The following PCDH17 variants were observed in gnomAD, a reference collection of about 807,000 sequenced individuals.
PCDH17 encodes protocadherin 17.
Under a neutral mutation model 67.7 loss-of-function variants are expected in PCDH17, and 21 were observed. That is an observed-to-expected ratio of 0.31 (90% CI 0.22 to 0.45). The LOEUF is 0.45. PCDH17 is among the 20% of genes least tolerant of loss of function. PCDH17 has a pLI of 1.00. For synonymous variants in PCDH17, 701 were observed against 656.7 expected (o/e 1.07, Z -1.03); for missense variants, 1,471 against 1,564.8 (o/e 0.94, Z 1.01).
In PCDH17 at chr13:57,634,756, TC is replaced by T; in HGVS notation, c.2212del (p.Arg738AlafsTer43). On this transcript the variant is annotated frameshift_variant, in exon 1 of 4. Coordinates refer to ENST00000377918, the MANE Select transcript of PCDH17 (RefSeq NM_001040429.3). LOFTEE classifies it high-confidence loss of function. The surrounding 1 kb of genome is among the most constrained non-coding windows in gnomAD (Gnocchi z 7.8). The stretch of plus-strand genomic sequence containing the variant: ...AAGTGCAAGCGCGAGAACAAGGAGA[TC>T]CGCACTTACAACTGCCGCATCGCCG... The part of the protein sequence containing the change: ...AVKCKRENKE[I>X]RTYNCRIAEY... The T allele has an allele frequency of 6.2e-7, 1 of 1,613,902 alleles. No homozygotes were observed. The highest frequency in any genetic ancestry group is 8.5e-7 in the Non-Finnish European group (1 of 1,180,012).
At chr13:57,687,659 T>C in intron 3 of PCDH17, among the ~76,000 whole-genome samples, 1 of 151,958 alleles carries the variant, frequency 6.6e-6, no homozygotes, top group East Asian at 1.9e-4. Context: ...TGCCTTTCAT[T>C]TGGATTCAGC....
At chr13:57,717,997 A>G (rs1470530045) in intron 3 of PCDH17, among the ~76,000 whole-genome samples, 1 of 152,024 alleles carries the variant, frequency 6.6e-6, no homozygotes, top group Non-Finnish European at 1.5e-5. Context: ...TGAAATAAGC[A>G]TATTGTAACA....
intron 3 of PCDH17, among the ~76,000 whole-genome samples, chr13:57,685,628 A>G (rs1955497819): frequency 6.6e-6 from 1 of 152,074 alleles, no homozygotes; most frequent in Non-Finnish European, 1.5e-5. Context: ...AGTTGAGTAT[A>G]AAAGTTGGTT....
In PCDH17 at chr13:57,667,680, A is replaced by G. The variant is rs140927680; in HGVS notation, c.2797+847A>G. Reference sequence around the variant, plus strand: ...TCAGTTGTTTTGAATGAGAAACTACATTTAAAATATGTGAACCTAACCTCT... The same window carrying G: ...TCAGTTGTTTTGAATGAGAAACTACGTTTAAAATATGTGAACCTAACCTCT... On this transcript the variant is annotated intron_variant, in intron 3 of 3. Coordinates refer to ENST00000377918, the MANE Select transcript of PCDH17 (RefSeq NM_001040429.3). 7.9e-4 allele frequency among the ~76,000 whole-genome samples: 120 copies of G among 151,652 alleles called. 1 individual carries two copies. In the East Asian group the frequency reaches 0.021, roughly 26 times the overall value.
rs1954749702 is a variant in PCDH17, at chr13:57,632,967, A to G, written c.421A>G (p.Ile141Val). The G allele has an allele frequency of 6.2e-7, 1 of 1,613,584 alleles. No individual in the cohort carries two copies. Among genetic ancestry groups the G allele is most frequent in the Non-Finnish European group, 8.5e-7 (1 of 1,180,000 alleles). ...CTCCTCGGACCAGATCGAAATGGACATCTCGGAGAACGCTGCTCCGGGCAC... is the reference window on the plus strand; with the variant it reads ...CTCCTCGGACCAGATCGAAATGGACGTCTCGGAGAACGCTGCTCCGGGCAC... Reference protein sequence around the residue: ...SFSSDQIEMDISENAAPGTRF... With the variant: ...SFSSDQIEMDVSENAAPGTRF... The change falls in exon 1 of 4, where the codon ATC becomes GTC. Residue 141 changes from isoleucine (I) to valine (V), a missense_variant. Physicochemically the swap from Ile to Val is conservative, Grantham distance 29 (BLOSUM62 3). Around this residue, in one of 3 missense-constraint regions of PCDH17, gnomAD observed 1,163 missense variants for 1,230.0 expected, o/e 0.95. Coordinates refer to ENST00000377918, the MANE Select transcript of PCDH17 (RefSeq NM_001040429.3).
chr13:57,638,067 T>C (rs949173411), intron 1 of PCDH17, among the ~76,000 whole-genome samples: 36 of 152,140 alleles, frequency 2.4e-4, no homozygotes, highest in African/African-American at 8.4e-4. Context: ...CCCACAATAG[T>C]GTGAATCATA....
intron 1 of PCDH17, among the ~76,000 whole-genome samples, chr13:57,644,071 C>T (rs1178475315): frequency 1.3e-5 from 2 of 151,696 alleles, no homozygotes; most frequent in African/African-American, 4.8e-5. Context: ...ATTTTAATAT[C>T]AATGCATACC....
chr13:57,726,020 C>T lies in PCDH17; in HGVS notation c.*726C>T, dbSNP rs1955914042. The stretch of plus-strand genomic sequence containing the variant: ...TGCACACACGTAGACTAATTCACGT[C>T]ATTAAAGAAGAAGAAAACTTAAAGA... On this transcript the variant is annotated 3_prime_UTR_variant, in exon 4 of 4. Transcript: ENST00000377918. 1 of 152,364 alleles carries T rather than the reference C, an allele frequency of 6.6e-6. No individual in the cohort carries two copies. The highest frequency in any genetic ancestry group is 2.1e-4 in the South Asian group (1 of 4,834). 9.4% of individuals were successfully genotyped at this position (152,364 alleles called of 1,614,324 possible).
chr13:57,706,654 T>G (rs1955724230), intron 3 of PCDH17, among the ~76,000 whole-genome samples: 1 of 152,156 alleles, frequency 6.6e-6, no homozygotes, highest in African/African-American at 2.4e-5. Flanking sequence ...TTGGCAATGT[T>G]TCTGCTAGTA....
At chr13:57,695,118 A>T (rs1317594302) in intron 3 of PCDH17, among the ~76,000 whole-genome samples, 1 of 151,300 alleles carries the variant, frequency 6.6e-6, no homozygotes, top group East Asian at 1.9e-4. Context: ...CTGAAAAAAA[A>T]TGAAATCAAT....
At chr13:57,647,378 C>A (rs1272268024) in intron 1 of PCDH17, among the ~76,000 whole-genome samples, 1 of 151,872 alleles carries the variant, frequency 6.6e-6, no homozygotes. Flanking sequence ...GCTCTGGTCT[C>A]TTTTCTGTGA....
At chr13:57,696,112 C>T (rs942386480) in intron 3 of PCDH17, among the ~76,000 whole-genome samples, 2 of 151,234 alleles carry the variant, frequency 1.3e-5, no homozygotes, top group Non-Finnish European at 3.0e-5. Context: ...CATATGATAA[C>T]GTAACGGTTG....
intron 1 of PCDH17, among the ~76,000 whole-genome samples, chr13:57,661,034 T>A (rs570343715): frequency 2.4e-3 from 359 of 152,292 alleles, no homozygotes; most frequent in African/African-American, 8.4e-3. Flanking sequence ...GAAGTAGGAT[T>A]GCTGGGTCAT....
intron 3 of PCDH17, among the ~76,000 whole-genome samples, chr13:57,695,055 T>C (rs1955593599): frequency 6.6e-6 from 1 of 151,118 alleles, no homozygotes; most frequent in African/African-American, 2.4e-5. Flanking sequence ...TTTTTATAAG[T>C]GTAAGTCTCA....
intron 3 of PCDH17, among the ~76,000 whole-genome samples, chr13:57,690,816 T>A (rs1955551595): frequency 6.6e-6 from 1 of 151,562 alleles, no homozygotes; most frequent in South Asian, 2.1e-4. Flanking sequence ...GTGCCGAGTA[T>A]TGTTTTTATG....
intron 3 of PCDH17, among the ~76,000 whole-genome samples, chr13:57,706,668 A>C (rs1194443974): frequency 6.6e-6 from 1 of 152,130 alleles, no homozygotes; most frequent in African/African-American, 2.4e-5. Flanking sequence ...GCTAGTATAA[A>C]ATTCTCAAAA....
At chr13:57,673,513 A>G (rs997811168) in intron 3 of PCDH17, among the ~76,000 whole-genome samples, 2 of 151,984 alleles carry the variant, frequency 1.3e-5, no homozygotes, top group African/African-American at 4.8e-5. Context: ...GTAACCAAGA[A>G]CATGAAGGTG....
upstream of PCDH17, among the ~76,000 whole-genome samples, chr13:57,630,458 C>G (rs1202155220): frequency 6.6e-6 from 1 of 151,790 alleles, no homozygotes; most frequent in Admixed American, 6.6e-5. Context: ...AACTATGATG[C>G]GAGGCTAAGC....
intron 1 of PCDH17, among the ~76,000 whole-genome samples, chr13:57,660,566 C>T (rs1010600079): frequency 6.6e-6 from 1 of 152,110 alleles, no homozygotes; most frequent in Non-Finnish European, 1.5e-5. Context: ...GTAATGTGAA[C>T]CTTTTTTGAG....
Sources: gnomAD v4.1 joint callset for allele counts (sites outside exome capture counted in the v4.1 genomes callset) on GRCh38, gnomAD v4.1.1 for gene constraint, gnomAD v4.1.1 regional missense constraint, Gnocchi (gnomAD v3.1) non-coding constraint, MANE v1.5 for transcripts, NCBI Gene and HGNC (gene_info 2026-07-23, HGNC 2026-07-21) for gene names.